The following ARHGAP10 variants were observed in gnomAD, a reference collection of about 807,000 sequenced individuals.
ARHGAP10 encodes the protein Rho GTPase activating protein 10.
A neutral mutation model predicts 108.6 loss-of-function variants in ARHGAP10; 87 were observed. The ratio of observed to expected loss-of-function variants is 0.80; its 90% CI spans 0.67 to 0.96. The LOEUF (loss-of-function observed/expected upper bound fraction) is 0.96, where lower values mean the gene tolerates loss of function less well. Among genes scored for constraint, ARHGAP10 ranks in the 40% least tolerant of loss-of-function variants. The pLI, the probability that ARHGAP10 is intolerant of heterozygous loss-of-function variation, is 0.00. For synonymous variants in ARHGAP10, 347 were observed against 341.1 expected (o/e 1.02, Z -0.19); for missense variants, 939 against 954.5 (o/e 0.98, Z 0.21).
intron 19 of ARHGAP10, among the ~76,000 whole-genome samples, chr4:148,032,440 T>A (rs755494281): frequency 8.0e-5 from 12 of 150,568 alleles, no homozygotes; most frequent in Non-Finnish European, 1.3e-4. Context: ...TAAATTGGAT[T>A]GATGATCAGT....
At chr4:147,868,691 G>T (rs555066263) in intron 7 of ARHGAP10, among the ~76,000 whole-genome samples, 1 of 152,196 alleles carries the variant, frequency 6.6e-6, no homozygotes, top group Non-Finnish European at 1.5e-5. Context: ...GTGGGAGAAG[G>T]TAGGGGATGG....
Position 147,978,054 on chromosome 4 carries a change from C to T in ARHGAP10, c.1716+11215C>T, listed in dbSNP as rs561780864. ...TGTATATGTACCACATTTTCTTTATCCACTCCACTATTGATGGGCACTCTA... is the reference window on the plus strand; with the variant it reads ...TGTATATGTACCACATTTTCTTTATTCACTCCACTATTGATGGGCACTCTA... On this transcript the variant is annotated intron_variant, in intron 18 of 22. Coordinates refer to ENST00000336498, the MANE Select transcript of ARHGAP10 (RefSeq NM_024605.4). Among the ~76,000 whole-genome samples the T allele has an allele frequency of 5.3e-5, 8 of 152,246 alleles. No homozygotes were observed. In the South Asian group the frequency reaches 1.7e-3, roughly 32 times the overall value.
At chr4:148,035,627 C>G (rs1205481703) in intron 19 of ARHGAP10, among the ~76,000 whole-genome samples, 1 of 152,080 alleles carries the variant, frequency 6.6e-6, no homozygotes, top group Non-Finnish European at 1.5e-5. Context: ...TGCCCCTTAC[C>G]CTGGATGGCA....
intron 18 of ARHGAP10, among the ~76,000 whole-genome samples, chr4:148,021,664 A>G (rs1741572599): frequency 6.6e-6 from 1 of 152,040 alleles, no homozygotes; most frequent in Non-Finnish European, 1.5e-5. Flanking sequence ...TCCTGTTCCC[A>G]CCACCCCACA....
At chr4:147,815,411 T>C (rs771432448) in intron 1 of ARHGAP10, among the ~76,000 whole-genome samples, 1 of 152,166 alleles carries the variant, frequency 6.6e-6, no homozygotes, top group Non-Finnish European at 1.5e-5. Flanking sequence ...GAATATGTTA[T>C]TTTACATGGC....
At chr4:147,867,425 T>C (rs187779555) in intron 7 of ARHGAP10, among the ~76,000 whole-genome samples, 75 of 152,288 alleles carry the variant, frequency 4.9e-4, no homozygotes, top group African/African-American at 1.7e-3. Flanking sequence ...GACAAGCTGG[T>C]CAGGGTATGT....
chr4:148,062,307 G>A (rs1303265317), intron 20 of ARHGAP10, among the ~76,000 whole-genome samples: 1 of 152,218 alleles, frequency 6.6e-6, no homozygotes, highest in African/African-American at 2.4e-5. Flanking sequence ...GAAGCCTCGG[G>A]AAACTGCTCG....
rs1042477761 is a variant in ARHGAP10 at position 147,925,800 on chromosome 4, A to G, written c.1228+12661A>G. Among the ~76,000 whole-genome samples, 11 of 152,350 alleles carry G rather than the reference A, an allele frequency of 7.2e-5. No individual in the cohort carries two copies. The East Asian group carries it at 2.1e-3, about 29-fold the overall frequency. The stretch of plus-strand genomic sequence containing the variant: ...GTTTATTACTGTCAGTAGCTAGAGC[A>G]GTGCATTTTGTGCTCATTCCCTGAG... On this transcript the variant is annotated intron_variant, in intron 13 of 22. Transcript: ENST00000336498.
intron 20 of ARHGAP10, among the ~76,000 whole-genome samples, chr4:148,061,625 T>A (rs199505952): frequency 2.1e-5 from 3 of 143,902 alleles, no homozygotes; most frequent in East Asian, 2.1e-4. Flanking sequence ...TTTTTTTTTT[T>A]AAATGACCCC....
At chr4:147,972,043 A>G (rs1739430263) in intron 18 of ARHGAP10, among the ~76,000 whole-genome samples, 1 of 152,122 alleles carries the variant, frequency 6.6e-6, no homozygotes, top group East Asian at 1.9e-4. Flanking sequence ...AGGAAGGAAC[A>G]AAGGGGTTTG....
At chr4:147,974,963 C>T (rs1440164557) in intron 18 of ARHGAP10, among the ~76,000 whole-genome samples, 1 of 152,210 alleles carries the variant, frequency 6.6e-6, no homozygotes, top group African/African-American at 2.4e-5. Context: ...ATTCAATTAT[C>T]TCCCACTGGG....
chr4:147,987,798 C>T (rs982267284), intron 18 of ARHGAP10, among the ~76,000 whole-genome samples: 14 of 152,162 alleles, frequency 9.2e-5, no homozygotes, highest in Non-Finnish European at 8.8e-5. Flanking sequence ...CTGGCAGCTC[C>T]TCAGGAGGGA....
chr4:147,873,183 G>A (rs1391598234), intron 7 of ARHGAP10, among the ~76,000 whole-genome samples: 1 of 152,150 alleles, frequency 6.6e-6, no homozygotes, highest in Non-Finnish European at 1.5e-5. Context: ...CTGGCGCAGG[G>A]AAAGTATAAG....
intron 19 of ARHGAP10, among the ~76,000 whole-genome samples, chr4:148,031,604 G>A (rs1728151796): frequency 6.6e-6 from 1 of 152,046 alleles, no homozygotes; most frequent in Non-Finnish European, 1.5e-5. Flanking sequence ...TTTGTCTTGT[G>A]GTTCCTTTCA....
At chr4:147,793,722 T>C (rs943417269) in intron 1 of ARHGAP10, among the ~76,000 whole-genome samples, 4 of 152,208 alleles carry the variant, frequency 2.6e-5, no homozygotes, top group Non-Finnish European at 5.9e-5. Context: ...TGCGGAGCCA[T>C]GGATCCTCCT....
At position 147,889,564 on chromosome 4, in the gene ARHGAP10, T is replaced by G. The variant is rs534947380; in HGVS notation, c.1034+7632T>G. Among the ~76,000 whole-genome samples, 5 of 152,346 alleles carry G rather than the reference T, an allele frequency of 3.3e-5. No homozygotes were observed. The South Asian group carries it at 8.3e-4, about 25-fold the overall frequency. On this transcript the variant is annotated intron_variant, in intron 10 of 22. Transcript: ENST00000336498. ...ATCTGCCTGCCTCTGCCTCCCAAAGTGCTGGGATTACAGGCATGAACCACC... is the reference window on the plus strand; with the variant it reads ...ATCTGCCTGCCTCTGCCTCCCAAAGGGCTGGGATTACAGGCATGAACCACC...
At chr4:147,859,049 A>G (rs1347249472) in intron 5 of ARHGAP10, among the ~76,000 whole-genome samples, 4 of 152,088 alleles carry the variant, frequency 2.6e-5, no homozygotes, top group African/African-American at 4.8e-5. Context: ...ACAAGATCCT[A>G]TATGTTCTGC....
chr4:147,887,875 A>AT lies in ARHGAP10; in HGVS notation c.1034+5953dup, dbSNP rs1228125358. Among the ~76,000 whole-genome samples the AT allele has an allele frequency of 3.9e-3, 573 of 147,486 alleles. 4 individuals carry two copies. Among genetic ancestry groups the AT allele is most frequent in the African/African-American group, 0.014 (528 of 38,826 alleles). The stretch of plus-strand genomic sequence containing the variant: ...AGACTCCATCTCAAAAAAAAAAAAA[A>AT]TTTTTTTTTTCCTATTTCTTCCCTC... On this transcript the variant is annotated intron_variant, in intron 10 of 22. Transcript: ENST00000336498.
At chr4:148,065,138 C>G (rs1165628542) in intron 22 of ARHGAP10, 1 of 152,236 alleles carries the variant, frequency 6.6e-6, no homozygotes. Context: ...TTTTCTCCTG[C>G]TCTTGCTTTC....
Sources: allele counts gnomAD v4.1 joint callset (sites outside exome capture counted in the v4.1 genomes callset), GRCh38; gene constraint gnomAD v4.1.1; transcripts MANE v1.5; gene names NCBI Gene and HGNC (gene_info 2026-07-23, HGNC 2026-07-21).